PLCL1: variants seen among roughly 807,000 people sequenced by gnomAD.
PLCL1 encodes the protein phospholipase C like 1 (inactive).
Under a neutral mutation model 84.4 loss-of-function variants are expected in PLCL1, and 41 were observed. The ratio of observed to expected loss-of-function variants is 0.49; its 90% confidence interval spans 0.38 to 0.63. The LOEUF (loss-of-function observed/expected upper bound fraction) is 0.63, where lower values mean the gene tolerates loss of function less well. Among genes scored for constraint, PLCL1 ranks in the 30% least tolerant of loss-of-function variants. The pLI is 0.00. For synonymous variants in PLCL1, 490 were observed against 488.3 expected, an observed-to-expected ratio of 1.00 and a Z score of -0.05; for missense variants, 1,206 against 1,367.8, an observed-to-expected ratio of 0.88 and a Z score of 1.87.
chr2:198,111,638 T>C (rs1693624822), intron 5 of PLCL1, among the ~76,000 whole-genome samples: 1 of 151,884 alleles, frequency 6.6e-6, no homozygotes, highest in Non-Finnish European at 1.5e-5. Flanking sequence ...CTTTTAAGGA[T>C]AACCCTGTAA....
At chr2:198,041,394 C>T (rs1469890305) in intron 1 of PLCL1, among the ~76,000 whole-genome samples, 8 of 69,382 alleles carry the variant, frequency 1.2e-4, no homozygotes, top group African/African-American at 2.0e-4. Flanking sequence ...GTTCCAACCA[C>T]AGTGTTTTTT....
At chr2:198,049,638 A>G (rs1486143230) in intron 1 of PLCL1, among the ~76,000 whole-genome samples, 1 of 152,148 alleles carries the variant, frequency 6.6e-6, no homozygotes, top group African/African-American at 2.4e-5. Flanking sequence ...GAGGCTACAA[A>G]AAGCAGCAGG....
chr2:197,872,856 T>C (rs2105706482), intron 1 of PLCL1, among the ~76,000 whole-genome samples: 1 of 152,284 alleles, frequency 6.6e-6, no homozygotes, highest in Non-Finnish European at 1.5e-5. Context: ...GTAAAATTAT[T>C]TGCATAATAA....
At chr2:197,841,553 T>C (rs1687003588) in intron 1 of PLCL1, among the ~76,000 whole-genome samples, 3 of 152,246 alleles carry the variant, frequency 2.0e-5, no homozygotes, top group Admixed American at 6.5e-5. Flanking sequence ...AGCTCATTTC[T>C]TTTTGACACT....
chr2:197,850,206 A>G (rs942078423), intron 1 of PLCL1, among the ~76,000 whole-genome samples: 1 of 152,130 alleles, frequency 6.6e-6, no homozygotes, highest in Non-Finnish European at 1.5e-5. Context: ...GATTTTCTCC[A>G]AGGTTTCTAC....
At chr2:198,140,664 A>G (rs1694364576) in intron 5 of PLCL1, among the ~76,000 whole-genome samples, 2 of 152,112 alleles carry the variant, frequency 1.3e-5, no homozygotes, top group Non-Finnish European at 2.9e-5. Flanking sequence ...TATGATTTCA[A>G]AATTTTCTGA....
intron 1 of PLCL1, among the ~76,000 whole-genome samples, chr2:197,921,502 T>G (rs938687479): frequency 9.2e-5 from 14 of 152,120 alleles, no homozygotes; most frequent in African/African-American, 3.4e-4. Context: ...ATATAAGCTT[T>G]TATAGTTGAA....
intron 1 of PLCL1, among the ~76,000 whole-genome samples, chr2:198,063,028 C>G (rs1692239457): frequency 6.6e-6 from 1 of 152,126 alleles, no homozygotes; most frequent in African/African-American, 2.4e-5. Flanking sequence ...AAAGATCACA[C>G]TGTGGGGACC....
rs1423136447 is a variant in PLCL1, at chr2:198,030,729, A to G, written c.241-53029A>G. On this transcript the variant is annotated intron_variant, in intron 1 of 5. Coordinates refer to ENST00000428675, the MANE Select transcript of PLCL1 (RefSeq NM_006226.4). ...TTTGCTAATGAGAAAACTGCAGCAT[A>G]GAGAGCTTAGTGGAGCAATCTCACC... Among the ~76,000 whole-genome samples, 3 of 152,202 alleles carry G rather than the reference A, an allele frequency of 2.0e-5. No homozygotes were observed. The East Asian group carries it at 5.8e-4, about 29-fold the overall frequency.
At chr2:197,946,151 A>G (rs1304155983) in intron 1 of PLCL1, among the ~76,000 whole-genome samples, 1 of 152,222 alleles carries the variant, frequency 6.6e-6, no homozygotes, top group Non-Finnish European at 1.5e-5. Flanking sequence ...AAGGAGAGCC[A>G]TAGAAGTATT....
chr2:198,140,564 G>A (rs1162423222), intron 5 of PLCL1, among the ~76,000 whole-genome samples: 1 of 152,054 alleles, frequency 6.6e-6, no homozygotes, highest in Admixed American at 6.6e-5. Flanking sequence ...TTGTAACAAT[G>A]CAGGTGTTAT....
intron 1 of PLCL1, among the ~76,000 whole-genome samples, chr2:198,015,597 T>C (rs1690977657): frequency 6.6e-6 from 1 of 152,184 alleles, no homozygotes; most frequent in South Asian, 2.1e-4. Flanking sequence ...AGATACTTAT[T>C]AAGTGGGCCA....
At chr2:197,963,719 G>A (rs1260683498) in intron 1 of PLCL1, among the ~76,000 whole-genome samples, 1 of 152,058 alleles carries the variant, frequency 6.6e-6, no homozygotes, top group Admixed American at 6.6e-5. Flanking sequence ...ACAGTTTGAG[G>A]TCTTAGATTT....
In PLCL1 at chr2:198,128,142, C is replaced by A. The variant is rs374621610; in HGVS notation, c.3106-18638C>A. Among the ~76,000 whole-genome samples, 25 of 152,086 alleles carry A rather than the reference C, an allele frequency of 1.6e-4. No individual in the cohort carries two copies. In the East Asian group the frequency reaches 2.3e-3, roughly 14 times the overall value. On this transcript the variant is annotated intron_variant, in intron 5 of 5. Coordinates refer to ENST00000428675, the MANE Select transcript of PLCL1 (RefSeq NM_006226.4). ...GCCTAACTGCATTTATATTGTAAACCAAAAATAAAATTCTAAGCCCCTTAA... is the reference window on the plus strand; with the variant it reads ...GCCTAACTGCATTTATATTGTAAACAAAAAATAAAATTCTAAGCCCCTTAA...
At chr2:197,895,577 A>G (rs1037765118) in intron 1 of PLCL1, among the ~76,000 whole-genome samples, 1 of 151,966 alleles carries the variant, frequency 6.6e-6, no homozygotes, top group African/African-American at 2.4e-5. Context: ...GCTAGTTATA[A>G]TGAAGAATTC....
At chr2:197,895,866 G>A (rs559860448) in intron 1 of PLCL1, among the ~76,000 whole-genome samples, 1 of 151,898 alleles carries the variant, frequency 6.6e-6, no homozygotes, top group South Asian at 2.1e-4. Flanking sequence ...TGGTTTTGAA[G>A]CTTATTGGAA....
intron 1 of PLCL1, among the ~76,000 whole-genome samples, chr2:198,075,380 C>A (rs778716604): frequency 6.6e-6 from 1 of 152,196 alleles, no homozygotes; most frequent in East Asian, 1.9e-4. Context: ...CGTCAGATGA[C>A]CTTTATTGTT....
chr2:197,811,672 A>G (rs1690589704), intron 1 of PLCL1, among the ~76,000 whole-genome samples: 1 of 152,256 alleles, frequency 6.6e-6, no homozygotes, highest in Admixed American at 6.5e-5. Flanking sequence ...TGTAGCTATT[A>G]TAGGCAAGGT....
intron 1 of PLCL1, among the ~76,000 whole-genome samples, chr2:197,938,774 A>T (rs751148247): frequency 6.6e-6 from 1 of 152,154 alleles, no homozygotes; most frequent in African/African-American, 2.4e-5. Context: ...AAGCCACTAG[A>T]TCTCTTTTAT....
Sources: allele counts gnomAD v4.1 joint callset (sites outside exome capture counted in the v4.1 genomes callset), GRCh38; gene constraint gnomAD v4.1.1; transcripts MANE v1.5; gene names NCBI Gene and HGNC (gene_info 2026-07-23, HGNC 2026-07-21).